CDH23: variants seen among roughly 807,000 people sequenced by gnomAD.
CDH23 encodes cadherin-23.
Under a neutral mutation model 317.1 loss-of-function variants are expected in CDH23, and 189 were observed. The ratio of observed to expected loss-of-function variants is 0.60; its 90% CI spans 0.53 to 0.67. The LOEUF is 0.67. Ranked by LOEUF, CDH23 falls within the 30% of genes least tolerant of loss-of-function variation. CDH23 has a pLI of 0.00. For synonymous variants in CDH23, 1,839 were observed against 1,876.8 expected (o/e 0.98, Z 0.52); for missense variants, 4,401 against 4,592.4 (o/e 0.96, Z 1.20).
chr10:71,444,726 A>G (rs1466659842), intron 2 of CDH23, among the ~76,000 whole-genome samples: 1 of 152,194 alleles, frequency 6.6e-6, no homozygotes, highest in African/African-American at 2.4e-5. Flanking sequence ...AGGAAGTGCC[A>G]TACCCAGATG....
At chr10:71,642,646 C>T (rs1862612475) in intron 11 of CDH23, among the ~76,000 whole-genome samples, 4 of 151,868 alleles carry the variant, frequency 2.6e-5, no homozygotes. Context: ...GTGATCCACC[C>T]ACCTCCGCTT....
At chr10:71,788,359 T>C (rs1841155978) in intron 44 of CDH23, among the ~76,000 whole-genome samples, 1 of 151,812 alleles carries the variant, frequency 6.6e-6, no homozygotes, top group African/African-American at 2.4e-5. Flanking sequence ...ATGTTGTTTT[T>C]TGACTTTTTA....
intron 3 of CDH23, among the ~76,000 whole-genome samples, chr10:71,506,281 A>G (rs115597046): frequency 0.016 from 2,501 of 152,310 alleles, 57 homozygotes; most frequent in African/African-American, 0.053. Flanking sequence ...TTCCTTTGGA[A>G]AGGATGAAAA....
At chr10:71,768,320 G>A (rs570964352) in intron 38 of CDH23, among the ~76,000 whole-genome samples, 53 of 152,180 alleles carry the variant, frequency 3.5e-4, no homozygotes, top group Admixed American at 5.9e-4. Flanking sequence ...ACAGGCACCC[G>A]CCACCACGCC....
chr10:71,723,395 T>A (rs1432208612), intron 28 of CDH23, among the ~76,000 whole-genome samples: 1 of 151,880 alleles, frequency 6.6e-6, no homozygotes, highest in Non-Finnish European at 1.5e-5. Context: ...TGTCTCAGAG[T>A]GACAACAACG....
chr10:71,571,026 C>G lies in CDH23; in HGVS notation c.753+108C>G, dbSNP rs554497896. 1.3e-4 allele frequency: 167 copies of G among 1,255,112 alleles called. No individual in the cohort carries two copies. In the East Asian group the frequency reaches 3.1e-3, roughly 23 times the overall value. 77.7% of individuals were successfully genotyped at this position (1,255,112 alleles called of 1,614,324 possible). A position where few individuals can be genotyped will look rare whatever the true frequency, so the allele number is the denominator to read the frequency against. On this transcript the variant is annotated intron_variant, in intron 8 of 69. Coordinates refer to ENST00000224721, the MANE Select transcript of CDH23 (RefSeq NM_022124.6). ...AGTGGGCTGGGCTCCTCCTTGGCTC[C>G]TCCGCAGTCCCTGTGCGTGGCAGTG...
chr10:71,414,298 G>A (rs1474356618), intron 1 of CDH23, among the ~76,000 whole-genome samples: 1 of 152,138 alleles, frequency 6.6e-6, no homozygotes, highest in Non-Finnish European at 1.5e-5. Flanking sequence ...TTGCCATTGT[G>A]TATGATACTA....
chr10:71,734,011 A>G (rs991099167), intron 32 of CDH23, among the ~76,000 whole-genome samples: 2 of 152,244 alleles, frequency 1.3e-5, no homozygotes, highest in Non-Finnish European at 2.9e-5. Flanking sequence ...GGGGTAGTGG[A>G]GCCCCTCAGG....
intron 6 of CDH23, among the ~76,000 whole-genome samples, chr10:71,542,828 G>C (rs1260047265): frequency 6.6e-6 from 1 of 152,250 alleles, no homozygotes; most frequent in Non-Finnish European, 1.5e-5. Context: ...CCCTTCCCCT[G>C]GGGGAGGCAC....
chr10:71,628,189 G>A (rs532215531), intron 11 of CDH23, among the ~76,000 whole-genome samples: 55 of 152,342 alleles, frequency 3.6e-4, no homozygotes, highest in African/African-American at 1.1e-3. Flanking sequence ...CAAGTAAGAG[G>A]AACTGCAGAG....
intron 11 of CDH23, among the ~76,000 whole-genome samples, chr10:71,639,071 G>T (rs1044431877): frequency 2.6e-5 from 4 of 152,196 alleles, no homozygotes; most frequent in Admixed American, 6.5e-5. Context: ...AATAAATAAA[G>T]CTAAGCTGTC....
intron 8 of CDH23, among the ~76,000 whole-genome samples, chr10:71,573,932 G>A (rs1382295367): frequency 6.6e-6 from 1 of 152,204 alleles, no homozygotes; most frequent in Non-Finnish European, 1.5e-5. Flanking sequence ...TCTCCTGCAG[G>A]CCGATTCCCT....
intron 6 of CDH23, among the ~76,000 whole-genome samples, chr10:71,544,666 C>A (rs1254019592): frequency 6.6e-6 from 1 of 152,190 alleles, no homozygotes; most frequent in African/African-American, 2.4e-5. Context: ...ACGCTGCACA[C>A]CCCAAATACC....
rs992178783 is a variant in CDH23, at chr10:71,815,399, T to C, written c.*121T>C. The C allele has an allele frequency of 3.0e-5, 30 of 984,360 alleles. No homozygotes were observed. The highest frequency in any genetic ancestry group is 4.0e-5 in the Non-Finnish European group (28 of 692,420). 61.0% of individuals were successfully genotyped at this position (984,360 alleles called of 1,614,324 possible). A position where few individuals can be genotyped will look rare whatever the true frequency, so the allele number is the denominator to read the frequency against. On this transcript the variant is annotated 3_prime_UTR_variant, in exon 70 of 70. Coordinates refer to ENST00000224721, the MANE Select transcript of CDH23 (RefSeq NM_022124.6). ...CAAGGCCAGGCCTTGGGGACAACCT[T>C]GGCTTGGCCCTGGCAGCCCGCATCA...
At chr10:71,592,326 T>G (rs1244963079) in intron 9 of CDH23, among the ~76,000 whole-genome samples, 1 of 151,826 alleles carries the variant, frequency 6.6e-6, no homozygotes, top group African/African-American at 2.4e-5. Context: ...ATTCATTTCC[T>G]ATAGTTGCCA....
intron 1 of CDH23, among the ~76,000 whole-genome samples, chr10:71,410,282 C>T (rs1282161561): frequency 6.6e-6 from 1 of 152,184 alleles, no homozygotes; most frequent in Non-Finnish European, 1.5e-5. Context: ...TCTGGGAGCT[C>T]ACAGTCTTGC....
chr10:71,533,318 C>T lies in CDH23; in HGVS notation c.429+22106C>T, dbSNP rs866605185. 4.6e-5 allele frequency among the ~76,000 whole-genome samples: 7 copies of T among 152,208 alleles called. No individual in the cohort carries two copies. In the South Asian group the frequency reaches 6.2e-4, roughly 13 times the overall value. On this transcript the variant is annotated intron_variant, in intron 6 of 69. Coordinates refer to ENST00000224721, the MANE Select transcript of CDH23 (RefSeq NM_022124.6). ...GCATAATGAGGACAGGAATACCTCC[C>T]TGCCACCTCACAGGGTTAGGCCATG...
intron 16 of CDH23, among the ~76,000 whole-genome samples, chr10:71,679,038 G>T (rs990045949): frequency 6.6e-6 from 1 of 151,994 alleles, no homozygotes; most frequent in Non-Finnish European, 1.5e-5. Context: ...GCAGGTGGGG[G>T]TGTTCCAGCT....
At chr10:71,403,310 T>TTTCTTC (rs1564557707) in intron 1 of CDH23, among the ~76,000 whole-genome samples, 4 of 104,994 alleles carry the variant, frequency 3.8e-5, no homozygotes, top group South Asian at 2.8e-4. Flanking sequence ...TTTCTCTTTC[T>TTTCTTC]CTTTCTTCCT....
Sources: allele counts gnomAD v4.1 joint callset (sites outside exome capture counted in the v4.1 genomes callset), GRCh38; gene constraint gnomAD v4.1.1; transcripts MANE v1.5; gene names NCBI Gene and HGNC (gene_info 2026-07-23, HGNC 2026-07-21).